Variants in UBE2E2 observed in about 807,000 individuals in gnomAD.
UBE2E2 encodes ubiquitin conjugating enzyme E2 E2.
UBE2E2 carries 6 observed loss-of-function variants against 24.7 expected under a neutral mutation model. The observed-to-expected ratio is 0.24, with a 90% CI of 0.13 to 0.48. The LOEUF (loss-of-function observed/expected upper bound fraction) is 0.48. UBE2E2 is among the 20% of genes least tolerant of loss of function. The pLI is 0.99. For missense variants in UBE2E2, 169 were observed against 245.0 expected, an observed-to-expected ratio of 0.69 and a Z score of 2.07; for synonymous variants, 104 against 83.6, an observed-to-expected ratio of 1.24 and a Z score of -1.33.
chr3:23,509,699 G>A (rs1018612947), intron 4 of UBE2E2, among the ~76,000 whole-genome samples: 6 of 151,616 alleles, frequency 4.0e-5, no homozygotes, highest in African/African-American at 1.5e-4. Flanking sequence ...TTTACATTAG[G>A]TATATCTCCG....
intron 1 of UBE2E2, among the ~76,000 whole-genome samples, chr3:23,205,607 C>G (rs1229214344): frequency 6.6e-6 from 1 of 152,042 alleles, no homozygotes; most frequent in Non-Finnish European, 1.5e-5. Context: ...GATGTGAAAA[C>G]TTTATTTCTA....
intron 3 of UBE2E2, among the ~76,000 whole-genome samples, chr3:23,357,585 A>G (rs538994743): frequency 1.3e-5 from 2 of 152,304 alleles, no homozygotes; most frequent in South Asian, 2.1e-4. Flanking sequence ...TCTGAAGAGT[A>G]TGAGGGCATA....
chr3:23,507,593 G>A (rs1301524640), intron 4 of UBE2E2, among the ~76,000 whole-genome samples: 1 of 152,182 alleles, frequency 6.6e-6, no homozygotes, highest in East Asian at 1.9e-4. Flanking sequence ...GCTGCGCACA[G>A]GCCACAAAGG....
intron 3 of UBE2E2, among the ~76,000 whole-genome samples, chr3:23,443,750 A>G (rs1244742236): frequency 2.0e-5 from 3 of 152,188 alleles, no homozygotes; most frequent in Non-Finnish European, 4.4e-5. Context: ...ATGATGCATA[A>G]AAGATGCCCA....
At chr3:23,394,875 G>C (rs1270964759) in intron 3 of UBE2E2, among the ~76,000 whole-genome samples, 1 of 152,206 alleles carries the variant, frequency 6.6e-6, no homozygotes, top group Non-Finnish European at 1.5e-5. Context: ...TGATCTGCCA[G>C]AGTATTGCTT....
intron 3 of UBE2E2, among the ~76,000 whole-genome samples, chr3:23,328,489 A>G (rs575733311): frequency 1.3e-5 from 2 of 152,214 alleles, no homozygotes; most frequent in Non-Finnish European, 2.9e-5. Flanking sequence ...GTATTCAAGC[A>G]TGTTTAAGAT....
chr3:23,210,492 G>C (rs183959695), intron 2 of UBE2E2, among the ~76,000 whole-genome samples: 1 of 152,166 alleles, frequency 6.6e-6, no homozygotes, highest in African/African-American at 2.4e-5. Flanking sequence ...TATGAAAGAT[G>C]TACTGCTTTA....
At chr3:23,244,013 G>T (rs911704186) in intron 3 of UBE2E2, among the ~76,000 whole-genome samples, 1 of 151,382 alleles carries the variant, frequency 6.6e-6, no homozygotes, top group East Asian at 1.9e-4. Flanking sequence ...AATCATGAAG[G>T]TTTAAAAAAA....
At chr3:23,310,284 T>C (rs1366999025) in intron 3 of UBE2E2, among the ~76,000 whole-genome samples, 1 of 139,126 alleles carries the variant, frequency 7.2e-6, no homozygotes, top group South Asian at 2.3e-4. Flanking sequence ...AAAAGCATTA[T>C]GTGCAAAAGG....
At chr3:23,353,353 CCTATT>C (rs1485598362) in intron 3 of UBE2E2, among the ~76,000 whole-genome samples, 1 of 151,912 alleles carries the variant, frequency 6.6e-6, no homozygotes, top group Non-Finnish European at 1.5e-5. Flanking sequence ...TCTCACCACT[CCTATT>C]CAACATAGTG....
chr3:23,297,257 G>T (rs2125256034), intron 3 of UBE2E2, among the ~76,000 whole-genome samples: 1 of 151,970 alleles, frequency 6.6e-6, no homozygotes, highest in Middle Eastern at 3.4e-3. Flanking sequence ...CATTCTGTAG[G>T]TTGCCTGTTC....
intron 3 of UBE2E2, among the ~76,000 whole-genome samples, chr3:23,299,855 C>T (rs534497116): frequency 3.3e-5 from 5 of 152,106 alleles, no homozygotes; most frequent in Admixed American, 1.3e-4. Context: ...CTTTCTGTCT[C>T]GTTGATCTGT....
At chr3:23,393,663 A>G (rs1305638986) in intron 3 of UBE2E2, among the ~76,000 whole-genome samples, 1 of 152,186 alleles carries the variant, frequency 6.6e-6, no homozygotes, top group East Asian at 1.9e-4. Flanking sequence ...AATTTTATGA[A>G]ACAATAATGC....
intron 3 of UBE2E2, among the ~76,000 whole-genome samples, chr3:23,459,272 T>C (rs1271296129): frequency 1.3e-5 from 2 of 152,260 alleles, no homozygotes; most frequent in Non-Finnish European, 2.9e-5. Flanking sequence ...GATATTTTTG[T>C]AGCTGATTCA....
At chr3:23,400,839 C>T (rs1247683302) in intron 3 of UBE2E2, among the ~76,000 whole-genome samples, 1 of 151,914 alleles carries the variant, frequency 6.6e-6, no homozygotes, top group Non-Finnish European at 1.5e-5. Flanking sequence ...CTTCTTCTAC[C>T]AGTATTTATT....
chr3:23,233,785 T>G (rs945855632), intron 3 of UBE2E2, among the ~76,000 whole-genome samples: 1 of 152,142 alleles, frequency 6.6e-6, no homozygotes, highest in Admixed American at 6.5e-5. Context: ...AATGGGAAAT[T>G]AATAGTTTAC....
intron 3 of UBE2E2, among the ~76,000 whole-genome samples, chr3:23,422,619 A>G (rs1173312493): frequency 6.6e-6 from 1 of 152,252 alleles, no homozygotes; most frequent in African/African-American, 2.4e-5. Flanking sequence ...TGAAGAAACC[A>G]GAGAGCTGCT....
intron 5 of UBE2E2, among the ~76,000 whole-genome samples, chr3:23,576,742 C>A (rs1304485985): frequency 6.6e-6 from 1 of 152,102 alleles, no homozygotes; most frequent in Non-Finnish European, 1.5e-5. Context: ...AGGGGAGAAA[C>A]TTGTTTAGCA....
At chr3:23,352,265 C>T (rs1353833478) in intron 3 of UBE2E2, among the ~76,000 whole-genome samples, 1 of 151,564 alleles carries the variant, frequency 6.6e-6, no homozygotes, top group East Asian at 1.9e-4. Context: ...GCACTAAATG[C>T]CCACAAGAGA....
Sources: allele counts gnomAD v4.1 joint callset (sites outside exome capture counted in the v4.1 genomes callset), GRCh38; gene constraint gnomAD v4.1.1; transcripts MANE v1.5; gene names NCBI Gene and HGNC (gene_info 2026-07-23, HGNC 2026-07-21).